Variants in TACC2 observed in about 807,000 individuals in gnomAD.
TACC2 encodes transforming acidic coiled-coil containing protein 2.
Under a neutral mutation model 227.3 loss-of-function variants are expected in TACC2, and 137 were observed. The ratio of observed to expected loss-of-function variants is 0.60; its 90% CI spans 0.52 to 0.69. The LOEUF (loss-of-function observed/expected upper bound fraction) is 0.69. Ranked by LOEUF, TACC2 falls within the 30% of genes least tolerant of loss-of-function variation. The probability of loss-of-function intolerance (pLI) is 0.00; values close to 1 mark genes in which losing one functional copy is unlikely to be tolerated. For synonymous variants in TACC2, 1,523 were observed against 1,487.5 expected, an observed-to-expected ratio of 1.02 and a Z score of -0.55; for missense variants, 3,470 against 3,694.4, an observed-to-expected ratio of 0.94 and a Z score of 1.57.
chr10:122,206,971 C>T lies in TACC2; in HGVS notation c.5972-3426C>T, dbSNP rs552337621. On this transcript the variant is annotated intron_variant, in intron 8 of 22. Coordinates refer to ENST00000369005, the MANE Select transcript of TACC2 (RefSeq NM_206862.4). ...GATTGTGTCTGCATTGGTCTTCATG[C>T]AGATATGCCGTGTGGATGTTTAGAA... 1.1e-4 allele frequency among the ~76,000 whole-genome samples: 16 copies of T among 152,286 alleles called. No individual in the cohort carries two copies. The East Asian group carries it at 3.1e-3, about 29-fold the overall frequency.
rs572700974 is a variant in TACC2 at position 122,251,958 on chromosome 10, A to ATTT, written c.8782-2031_8782-2030insTTT. 3.5e-4 allele frequency among the ~76,000 whole-genome samples: 54 copies of ATTT among 152,356 alleles called. 1 individual carries two copies. In the South Asian group the frequency reaches 0.01, roughly 29 times the overall value. On this transcript the variant is annotated intron_variant, in intron 22 of 22. Transcript: ENST00000369005. ...TAGGGGATAGTCCCATCTTAAAGAG[A>ATTT]TTCAGAAACATGATTCACCCAGACA...
At chr10:122,073,947 T>C (rs930080738) in intron 3 of TACC2, among the ~76,000 whole-genome samples, 1 of 151,914 alleles carries the variant, frequency 6.6e-6, no homozygotes, top group Admixed American at 6.6e-5. Flanking sequence ...GCCCGGCTAA[T>C]TTTTTTGTAT....
At chr10:122,203,139 A>G (rs984028999) in intron 8 of TACC2, among the ~76,000 whole-genome samples, 2 of 152,198 alleles carry the variant, frequency 1.3e-5, no homozygotes, top group African/African-American at 4.8e-5. Flanking sequence ...CAAAACCGCC[A>G]TTGTCATCAT....
In TACC2 at chr10:122,075,476, G is replaced by T. The variant is rs538282067; in HGVS notation, c.147-7171G>T. 6.6e-5 allele frequency among the ~76,000 whole-genome samples: 10 copies of T among 152,298 alleles called. No homozygotes were observed. The South Asian group carries it at 2.1e-3, about 32-fold the overall frequency. ...GGGGAAACTGGACTCACGGGGGCTG[G>T]CTCTCCCCATATCACCACTCGGAGA... On this transcript the variant is annotated intron_variant, in intron 3 of 22. Transcript: ENST00000369005.
intron 8 of TACC2, among the ~76,000 whole-genome samples, chr10:122,202,741 A>G (rs2094913190): frequency 6.8e-6 from 1 of 147,404 alleles, no homozygotes; most frequent in Non-Finnish European, 1.5e-5. Flanking sequence ...ACAATAGTGG[A>G]GGGAAGGTCA....
chr10:122,032,231 A>G (rs1031646581), intron 2 of TACC2, among the ~76,000 whole-genome samples: 16 of 152,130 alleles, frequency 1.1e-4, no homozygotes, highest in African/African-American at 3.9e-4. Flanking sequence ...TATCTATGAC[A>G]TGGTCTTTTC....
Position 122,086,065 on chromosome 10 carries a change from A to T in TACC2, c.3565A>T (p.Ser1189Cys), listed in dbSNP as rs374367001. The T allele has an allele frequency of 5.6e-6, 9 of 1,613,714 alleles. No individual in the cohort carries two copies. The highest frequency in any genetic ancestry group is 7.6e-6 in the Non-Finnish European group (9 of 1,180,028). ...ESCQAEHPMA[S>C]CQDALLPARE... ...CTGCCAAGCTGAGCACCCCATGGCC[A>T]GCTGCCAGGATGCCTTGCTGCCAGC... is the stretch of plus-strand genomic sequence containing the variant. The change falls in exon 4 of 23, where the codon AGC (serine) becomes TGC (cysteine). Residue 1189 changes from serine (S) to cysteine (C), a missense_variant. This residue lies in a region of TACC2 where 1,924 missense variants were observed against 1,978.3 expected (regional missense o/e 0.97). Coordinates refer to ENST00000369005, the MANE Select transcript of TACC2 (RefSeq NM_206862.4).
chr10:122,045,906 G>A (rs567518413), intron 2 of TACC2, among the ~76,000 whole-genome samples: 1 of 152,322 alleles, frequency 6.6e-6, no homozygotes, highest in South Asian at 2.1e-4. Flanking sequence ...CGGGTGCCAT[G>A]GCTCATGCCT....
At chr10:122,064,932 C>A (rs1382413093) in intron 3 of TACC2, among the ~76,000 whole-genome samples, 1 of 152,138 alleles carries the variant, frequency 6.6e-6, no homozygotes, top group East Asian at 1.9e-4. Flanking sequence ...TCTCTTGTTC[C>A]TTCCCAGTCA....
rs1410458521 is a variant in TACC2, at chr10:122,150,280, C to T, written c.5834+6574C>T. 1.3e-5 allele frequency among the ~76,000 whole-genome samples: 2 copies of T among 152,228 alleles called. No individual in the cohort carries two copies. The highest frequency in any genetic ancestry group is 2.9e-5 in the Non-Finnish European group (2 of 68,052). On this transcript the variant is annotated intron_variant, in intron 7 of 22. Coordinates refer to ENST00000369005, the MANE Select transcript of TACC2 (RefSeq NM_206862.4). This position sits in a 1 kb window ranked among gnomAD's most constrained non-coding sequence, Gnocchi z 4.0. ...AAGGGGATCCCGCCCTGAAATGGGG[C>T]TCAGGGAGGAACATATGGGCAGGCA...
At chr10:122,232,048 T>C (rs1178606768) in intron 16 of TACC2, among the ~76,000 whole-genome samples, 1 of 152,200 alleles carries the variant, frequency 6.6e-6, no homozygotes, top group Non-Finnish European at 1.5e-5. Flanking sequence ...GTGCTTACAC[T>C]GTGGGTGTGC....
chr10:122,149,775 G>A (rs1167688130), intron 7 of TACC2, among the ~76,000 whole-genome samples: 1 of 152,258 alleles, frequency 6.6e-6, no homozygotes, highest in East Asian at 1.9e-4. Context: ...TTGTTGGGCT[G>A]AGGGTCTCCG....
intron 7 of TACC2, among the ~76,000 whole-genome samples, chr10:122,178,068 A>T (rs967432591): frequency 5.9e-5 from 9 of 152,236 alleles, no homozygotes; most frequent in Admixed American, 3.3e-4. Context: ...TAAATAACAT[A>T]AATTTATTTC....
Position 122,086,325 on chromosome 10 carries a change from A to G in TACC2, c.3825A>G (p.Pro1275=), listed in dbSNP as rs2137150055. The G allele has an allele frequency of 6.2e-7, 1 of 1,613,782 alleles. No individual in the cohort carries two copies. The highest frequency in any genetic ancestry group is 8.5e-7 in the Non-Finnish European group (1 of 1,180,000). Residue 1275 remains proline, a synonymous_variant, in exon 4 of 23, where the codon CCA becomes CCG. Coordinates refer to ENST00000369005, the MANE Select transcript of TACC2 (RefSeq NM_206862.4). ...GCCCCTGTCCTGTAGGGGAGCCCCC[A>G]CTTGCCTTGGAAAATGCTGCCTCCT... ...GESPCPVGEP[P]LALENAASLK...
At chr10:122,163,878 A>G (rs1221515512) in intron 7 of TACC2, 1 of 1,540,440 alleles carries the variant, frequency 6.5e-7, no homozygotes, top group Admixed American at 2.0e-5. Context: ...TCGCGCCAGG[A>G]CGCTGGCCCC....
intron 5 of TACC2, among the ~76,000 whole-genome samples, chr10:122,097,369 T>C (rs1253038399): frequency 6.7e-6 from 1 of 149,178 alleles, no homozygotes; most frequent in Non-Finnish European, 1.5e-5. Context: ...AGAAGAAGAG[T>C]TGGAGGAGGA....
Position 122,150,896 on chromosome 10 carries a change from T to C in TACC2, c.5834+7190T>C, listed in dbSNP as rs1195660600. Among the ~76,000 whole-genome samples the C allele has an allele frequency of 6.6e-6, 1 of 152,150 alleles. No homozygotes were observed. The highest frequency in any genetic ancestry group is 2.4e-5 in the African/African-American group (1 of 41,446). ...CCGGTTGATTCTATGCCACGGACTATTCGGAAGGTGGCGCAGGGGAAGGAG... is the reference window on the plus strand; with the variant it reads ...CCGGTTGATTCTATGCCACGGACTACTCGGAAGGTGGCGCAGGGGAAGGAG... On this transcript the variant is annotated intron_variant, in intron 7 of 22. Coordinates refer to ENST00000369005, the MANE Select transcript of TACC2 (RefSeq NM_206862.4). The surrounding 1 kb of genome is among the most constrained non-coding windows in gnomAD (Gnocchi z 4.0).
intron 7 of TACC2, among the ~76,000 whole-genome samples, chr10:122,151,280 G>C (rs561504240): frequency 6.6e-6 from 1 of 152,338 alleles, no homozygotes; most frequent in East Asian, 1.9e-4. Context: ...ACCTGACTCT[G>C]CCTGGAGAAG....
At chr10:122,139,211 T>G (rs11200429) in intron 6 of TACC2, among the ~76,000 whole-genome samples, 10,963 of 152,278 alleles carry the variant, frequency 0.072, 503 homozygotes, top group East Asian at 0.14. Flanking sequence ...GGGCTCTCTC[T>G]GTGAAGGTAA....
Sources: gnomAD v4.1 joint callset for allele counts (sites outside exome capture counted in the v4.1 genomes callset) on GRCh38, gnomAD v4.1.1 for gene constraint, gnomAD v4.1.1 regional missense constraint, Gnocchi (gnomAD v3.1) non-coding constraint, MANE v1.5 for transcripts, NCBI Gene and HGNC (gene_info 2026-07-23, HGNC 2026-07-21) for gene names.